Variants in NGF observed in about 807,000 individuals in gnomAD.
NGF encodes beta-nerve growth factor.
NGF carries 4 observed loss-of-function variants against 12.8 expected under a neutral mutation model. The ratio of observed to expected loss-of-function variants is 0.31; its 90% CI spans 0.15 to 0.72. NGF has a LOEUF of 0.72. NGF is among the 30% of genes least tolerant of loss of function. The probability of loss-of-function intolerance (pLI) is 0.69; values close to 1 mark genes in which losing one functional copy is unlikely to be tolerated. For synonymous variants in NGF, 140 were observed against 130.0 expected, an observed-to-expected ratio of 1.08 and a Z score of -0.52; for missense variants, 283 against 330.8, an observed-to-expected ratio of 0.86 and a Z score of 1.12.
intron 1 of NGF, among the ~76,000 whole-genome samples, chr1:115,332,912 T>C (rs994838115): frequency 6.6e-6 from 1 of 152,114 alleles, no homozygotes; most frequent in Non-Finnish European, 1.5e-5. Flanking sequence ...TCAATACATA[T>C]CCATAGTGAT....
At chr1:115,317,775 G>A (rs1454830423) in intron 1 of NGF, among the ~76,000 whole-genome samples, 7 of 152,200 alleles carry the variant, frequency 4.6e-5, no homozygotes, top group Non-Finnish European at 8.8e-5. Flanking sequence ...CATCCCTGCC[G>A]CTGGCAGGAG....
chr1:115,322,587 C>T (rs1571093566), intron 1 of NGF, among the ~76,000 whole-genome samples: 1 of 152,060 alleles, frequency 6.6e-6, no homozygotes, highest in Admixed American at 6.6e-5. Context: ...AGTGGCTTGA[C>T]CAGCGTAAAG....
At chr1:115,310,321 T>C (rs939497532) in intron 1 of NGF, among the ~76,000 whole-genome samples, 5 of 152,238 alleles carry the variant, frequency 3.3e-5, no homozygotes, top group African/African-American at 1.2e-4. Flanking sequence ...AATGTTGTTA[T>C]AATGCCTTTA....
At chr1:115,323,514 G>A (rs561434532) in intron 1 of NGF, among the ~76,000 whole-genome samples, 22 of 152,294 alleles carry the variant, frequency 1.4e-4, no homozygotes, top group African/African-American at 5.1e-4. Context: ...CCTTATCATA[G>A]CCTCAGCCCT....
chr1:115,295,965 G>A (rs1295603276), intron 1 of NGF, among the ~76,000 whole-genome samples: 1 of 152,170 alleles, frequency 6.6e-6, no homozygotes, highest in Non-Finnish European at 1.5e-5. Context: ...GATAGGAAAA[G>A]GCATGCATAT....
chr1:115,287,272 C>T (rs530103264), intron 2 of NGF, among the ~76,000 whole-genome samples: 7 of 152,142 alleles, frequency 4.6e-5, no homozygotes, highest in Admixed American at 2.0e-4. Context: ...TGGGAAGGCA[C>T]GGGGAAGATC....
At position 115,333,499 on chromosome 1, in the gene NGF, T is replaced by TAAAAAA. The variant is rs34024301; in HGVS notation, c.-137+4699_-137+4704dup. Among the ~76,000 whole-genome samples the TAAAAAA allele has an allele frequency of 1.5e-3, 111 of 76,514 alleles. 2 individuals are homozygous for TAAAAAA. The highest frequency in any genetic ancestry group is 4.7e-3 in the African/African-American group (95 of 20,006). The allele number at this position is 76,514 out of a possible 152,430, so 50.2% of individuals were successfully genotyped here. ...GTCTGACTCTGACTAATAGTACTAC[T>TAAAAAA]AAAAAAAAAAAAAAAAAAAAAAAGA... On this transcript the variant is annotated intron_variant, in intron 1 of 2. Coordinates refer to ENST00000369512, the MANE Select transcript of NGF (RefSeq NM_002506.3).
chr1:115,313,262 C>A (rs771506436), intron 1 of NGF, among the ~76,000 whole-genome samples: 1 of 152,186 alleles, frequency 6.6e-6, no homozygotes, highest in African/African-American at 2.4e-5. Flanking sequence ...ATGGTTTGAG[C>A]CTTGGATGCA....
chr1:115,304,547 T>C (rs904736342), intron 1 of NGF, among the ~76,000 whole-genome samples: 18 of 152,020 alleles, frequency 1.2e-4, no homozygotes, highest in African/African-American at 4.4e-4. Flanking sequence ...ATTTGCCTGA[T>C]GCAATCTATT....
intron 1 of NGF, among the ~76,000 whole-genome samples, chr1:115,326,544 G>C (rs1027779861): frequency 1.3e-5 from 2 of 152,148 alleles, no homozygotes; most frequent in African/African-American, 4.8e-5. Flanking sequence ...TGGAAAGCCT[G>C]TTTCCACATT....
intron 1 of NGF, among the ~76,000 whole-genome samples, chr1:115,306,363 T>C (rs1453310040): frequency 6.6e-6 from 1 of 152,242 alleles, no homozygotes; most frequent in Non-Finnish European, 1.5e-5. Context: ...CAGGATTCAA[T>C]TGTCCAGGCT....
intron 1 of NGF, among the ~76,000 whole-genome samples, chr1:115,295,192 G>T (rs2101027581): frequency 6.6e-6 from 1 of 152,294 alleles, no homozygotes; most frequent in Non-Finnish European, 1.5e-5. Context: ...CCACGAAGAG[G>T]AGTTGGAGAA....
At chr1:115,336,364 T>A (rs1296572192) in intron 1 of NGF, among the ~76,000 whole-genome samples, 2 of 152,216 alleles carry the variant, frequency 1.3e-5, no homozygotes, top group African/African-American at 4.8e-5. Flanking sequence ...CCTTTTTCCC[T>A]TCACCTGCAT....
chr1:115,319,318 A>G (rs1164264897), intron 1 of NGF, among the ~76,000 whole-genome samples: 1 of 152,112 alleles, frequency 6.6e-6, no homozygotes, highest in Admixed American at 6.5e-5. Context: ...CTGCACAGAC[A>G]CTGTTGCTCT....
intron 1 of NGF, among the ~76,000 whole-genome samples, chr1:115,308,934 T>TTTAGTTTAG (rs752851810): frequency 0.042 from 6,465 of 152,288 alleles, 178 homozygotes; most frequent in Middle Eastern, 0.075. Flanking sequence ...AGATTTGTGT[T>TTTAGTTTAG]TTTAAAAGGT....
intron 1 of NGF, among the ~76,000 whole-genome samples, chr1:115,304,108 C>T (rs1484955638): frequency 1.3e-5 from 2 of 151,882 alleles, no homozygotes; most frequent in Admixed American, 6.6e-5. Flanking sequence ...AGAATTATCT[C>T]AAAAGAGCAA....
At chr1:115,297,510 C>T (rs1486557417) in intron 1 of NGF, among the ~76,000 whole-genome samples, 1 of 152,106 alleles carries the variant, frequency 6.6e-6, no homozygotes, top group Non-Finnish European at 1.5e-5. Context: ...TTTTTAAGAC[C>T]CCTGAGGTTA....
chr1:115,289,251 A>G (rs1029822351), intron 2 of NGF, among the ~76,000 whole-genome samples: 1 of 152,210 alleles, frequency 6.6e-6, no homozygotes, highest in Non-Finnish European at 1.5e-5. Context: ...GGTACATAAT[A>G]TCTCTTATCA....
intron 1 of NGF, among the ~76,000 whole-genome samples, chr1:115,305,734 G>C (rs1327658401): frequency 6.6e-6 from 1 of 152,220 alleles, no homozygotes; most frequent in Non-Finnish European, 1.5e-5. Context: ...ATGTAGCCAT[G>C]AAAGATAGAT....
Sources: allele counts gnomAD v4.1 joint callset (sites outside exome capture counted in the v4.1 genomes callset), GRCh38; gene constraint gnomAD v4.1.1; transcripts MANE v1.5; gene names NCBI Gene and HGNC (gene_info 2026-07-23, HGNC 2026-07-21).